The following TAF2 variants were observed in gnomAD, a reference collection of about 807,000 sequenced individuals.
The protein encoded by TAF2 is TATA-box binding protein associated factor 2.
Under a neutral mutation model 138.5 loss-of-function variants are expected in TAF2, and 61 were observed. The ratio of observed to expected loss-of-function variants is 0.44; its 90% confidence interval spans 0.36 to 0.54. TAF2 has a LOEUF of 0.54. Ranked by LOEUF, TAF2 falls within the 20% of genes least tolerant of loss-of-function variation. The pLI, the probability that TAF2 is intolerant of heterozygous loss-of-function variation, is 0.00. For synonymous variants in TAF2, 475 were observed against 469.9 expected (o/e 1.01, Z -0.14); for missense variants, 1,090 against 1,427.9 (o/e 0.76, Z 3.81).
intron 2 of TAF2, among the ~76,000 whole-genome samples, chr8:119,829,495 C>G (rs1826303685): frequency 6.6e-6 from 1 of 151,994 alleles, no homozygotes; most frequent in Admixed American, 6.6e-5. Context: ...TCTAAATACT[C>G]CCTTCATTTC....
intron 23 of TAF2, among the ~76,000 whole-genome samples, chr8:119,745,960 CAT>C (rs1277422742): frequency 5.3e-5 from 8 of 152,066 alleles, no homozygotes; most frequent in Non-Finnish European, 1.0e-4. Flanking sequence ...AGGCATTTAT[CAT>C]ATGTTTAGAA....
intron 3 of TAF2, among the ~76,000 whole-genome samples, chr8:119,812,747 GTGTGTATA>G (rs745679698): frequency 2.0e-5 from 2 of 99,866 alleles, no homozygotes; most frequent in Non-Finnish European, 3.9e-5. Flanking sequence ...GTGTGTGTGT[GTGTGTATA>G]TATGTGTGTA....
At chr8:119,749,969 G>A (rs2131020443) in intron 22 of TAF2, among the ~76,000 whole-genome samples, 1 of 152,302 alleles carries the variant, frequency 6.6e-6, no homozygotes, top group Non-Finnish European at 1.5e-5. Flanking sequence ...TCAAGAAGTA[G>A]GAAACCCAGT....
chr8:119,735,176 CTTTT>C (rs1463381888), intron 25 of TAF2, among the ~76,000 whole-genome samples: 2 of 152,116 alleles, frequency 1.3e-5, no homozygotes. Flanking sequence ...TGCTGTATTT[CTTTT>C]GTCTTTGAGT....
intron 18 of TAF2, among the ~76,000 whole-genome samples, chr8:119,774,193 T>C (rs1351664446): frequency 6.6e-6 from 1 of 152,066 alleles, no homozygotes; most frequent in Non-Finnish European, 1.5e-5. Flanking sequence ...ATTGATCTTT[T>C]GTATGTTTCT....
At chr8:119,765,534 G>A (rs908167528) in intron 18 of TAF2, among the ~76,000 whole-genome samples, 7 of 152,206 alleles carry the variant, frequency 4.6e-5, no homozygotes, top group East Asian at 3.9e-4. Flanking sequence ...GCAACTTCAC[G>A]GTAAAGGGGT....
At chr8:119,737,001 T>G (rs1055120870) in intron 25 of TAF2, among the ~76,000 whole-genome samples, 2 of 152,046 alleles carry the variant, frequency 1.3e-5, no homozygotes, top group African/African-American at 4.8e-5. Context: ...AACACTAGAA[T>G]GAAAAGTACA....
intron 16 of TAF2, among the ~76,000 whole-genome samples, chr8:119,781,615 G>C (rs188126968): frequency 1.1e-3 from 163 of 152,244 alleles, no homozygotes; most frequent in African/African-American, 3.5e-3. Flanking sequence ...GGACGGGGAG[G>C]GGGAGGTTGC....
intron 2 of TAF2, among the ~76,000 whole-genome samples, chr8:119,821,091 G>A (rs1430710784): frequency 2.0e-5 from 3 of 152,170 alleles, no homozygotes; most frequent in African/African-American, 7.2e-5. Context: ...TCTAAACTCT[G>A]GTAACAATAA....
At chr8:119,745,795 A>ATGTG (rs58444614) in intron 23 of TAF2, among the ~76,000 whole-genome samples, 6,553 of 143,500 alleles carry the variant, frequency 0.046, 162 homozygotes, top group Middle Eastern at 0.073. Flanking sequence ...AGGCAAACGA[A>ATGTG]TGTGTGTGTG....
chr8:119,811,492 T>G (rs2131233951), intron 3 of TAF2, among the ~76,000 whole-genome samples: 1 of 152,078 alleles, frequency 6.6e-6, no homozygotes, highest in South Asian at 2.1e-4. Context: ...AAAACCACAA[T>G]GAACAAGGAT....
intron 18 of TAF2, among the ~76,000 whole-genome samples, chr8:119,770,349 G>T (rs1821745656): frequency 1.3e-5 from 2 of 152,026 alleles, no homozygotes; most frequent in Admixed American, 1.3e-4. Flanking sequence ...CTTAAAAGCA[G>T]CTAGAAAGAA....
At chr8:119,799,862 T>C (rs1824123313) in intron 6 of TAF2, among the ~76,000 whole-genome samples, 1 of 152,224 alleles carries the variant, frequency 6.6e-6, no homozygotes, top group African/African-American at 2.4e-5. Context: ...TGTGAGATGG[T>C]ATCTCATTGT....
intron 5 of TAF2, among the ~76,000 whole-genome samples, chr8:119,803,359 C>G (rs556808191): frequency 4.6e-5 from 7 of 152,144 alleles, no homozygotes; most frequent in Admixed American, 3.3e-4. Flanking sequence ...TATTTTAGAA[C>G]AGTAGACATG....
At chr8:119,797,479 AAAAC>A (rs1823913309) in intron 7 of TAF2, among the ~76,000 whole-genome samples, 179 bp downstream of exon 7, 1 of 152,120 alleles carries the variant, frequency 6.6e-6, no homozygotes, top group Admixed American at 6.5e-5. Context: ...AGTTATCTCA[AAAAC>A]TTTGTCTTCA....
At chr8:119,827,479 C>T (rs1826177138) in intron 2 of TAF2, among the ~76,000 whole-genome samples, 1 of 152,200 alleles carries the variant, frequency 6.6e-6, no homozygotes, top group South Asian at 2.1e-4. Flanking sequence ...CTCAAACCTG[C>T]TGCCCTTCCC....
chr8:119,756,125 TAA>T lies in TAF2; in HGVS notation c.2769-12_2769-11del, dbSNP rs750884013. 1 of 1,605,990 alleles carries T rather than the reference TAA, an allele frequency of 6.2e-7. No homozygotes were observed. The highest frequency in any genetic ancestry group is 1.3e-5 in the African/African-American group (1 of 74,652). On this transcript the variant is annotated splice_polypyrimidine_tract_variant and intron_variant, in intron 21 of 25. Coordinates refer to ENST00000378164, the MANE Select transcript of TAF2 (RefSeq NM_003184.4). ...GTTGAGAATCTTATGCCTGAAAGAT[TAA>T]AAAAAATTAAATTTTTGCTGACCTT...
chr8:119,826,109 T>C (rs1160280112), intron 2 of TAF2, among the ~76,000 whole-genome samples: 1 of 151,786 alleles, frequency 6.6e-6, no homozygotes, highest in Non-Finnish European at 1.5e-5. Context: ...CAGGGCCCGT[T>C]GCGGGGTGGG....
At position 119,758,099 on chromosome 8, in the gene TAF2, A is replaced by T. The variant is rs766100451; in HGVS notation, c.2742T>A (p.Ile914=). The T allele has an allele frequency of 6.2e-7, 1 of 1,613,402 alleles. No individual in the cohort carries two copies. Among genetic ancestry groups the T allele is most frequent in the Non-Finnish European group, 8.5e-7 (1 of 1,179,700 alleles). The part of the protein sequence containing the change: ...YEELQWLLNM[I]QNDPVPYVRH... ...TTACATAGGGTACAGGGTCATTCTG[A>T]ATCATATTAAGTAGCCATTGCAGTT... Residue 914 remains isoleucine, a synonymous_variant, in exon 21 of 26, where the codon ATT becomes ATA. Transcript: ENST00000378164.
Sources: allele counts gnomAD v4.1 joint callset (sites outside exome capture counted in the v4.1 genomes callset), GRCh38; gene constraint gnomAD v4.1.1; transcripts MANE v1.5; gene names NCBI Gene and HGNC (gene_info 2026-07-23, HGNC 2026-07-21).